The following NME7 variants were observed in gnomAD, a reference collection of about 807,000 sequenced individuals.
NME7 encodes the protein nucleoside diphosphate kinase 7.
Under a neutral mutation model 49.1 loss-of-function variants are expected in NME7, and 41 were observed. The ratio of observed to expected loss-of-function variants is 0.83; its 90% CI spans 0.65 to 1.08. NME7 has a LOEUF of 1.08. NME7 is among the 50% of genes least tolerant of loss of function. The pLI is 0.00. For missense variants in NME7, 423 were observed against 463.4 expected, an observed-to-expected ratio of 0.91 and a Z score of 0.80; for synonymous variants, 139 against 150.6, an observed-to-expected ratio of 0.92 and a Z score of 0.56.
intron 10 of NME7, among the ~76,000 whole-genome samples, chr1:169,210,351 C>T (rs1660775403): frequency 1.3e-5 from 2 of 152,120 alleles, no homozygotes; most frequent in South Asian, 4.1e-4. Context: ...GAGACTGAAG[C>T]CTCCATTCCA....
intron 6 of NME7, among the ~76,000 whole-genome samples, chr1:169,298,128 A>G (rs1479476487): frequency 2.6e-5 from 4 of 152,194 alleles, no homozygotes; most frequent in African/African-American, 4.8e-5. Context: ...AACTTTCATA[A>G]ACACTAGCTA....
chr1:169,245,638 C>T (rs1648282617), intron 7 of NME7, among the ~76,000 whole-genome samples: 1 of 151,974 alleles, frequency 6.6e-6, no homozygotes, highest in African/African-American at 2.4e-5. Context: ...ATAACCATAA[C>T]CAATTTAAAT....
intron 10 of NME7, among the ~76,000 whole-genome samples, chr1:169,228,399 C>T (rs964402888): frequency 2.6e-5 from 4 of 151,980 alleles, no homozygotes; most frequent in African/African-American, 9.7e-5. Flanking sequence ...AAGTACAGGC[C>T]GGGCACGGTG....
At chr1:169,251,185 T>C (rs959152764) in intron 7 of NME7, among the ~76,000 whole-genome samples, 1 of 152,138 alleles carries the variant, frequency 6.6e-6, no homozygotes, top group Non-Finnish European at 1.5e-5. Context: ...TTTAGGAATA[T>C]AATATCTTCT....
At chr1:169,342,623 GTACATATATA>G (rs1456467552) in intron 1 of NME7, among the ~76,000 whole-genome samples, 517 of 43,740 alleles carry the variant, frequency 0.012, 35 homozygotes, top group Admixed American at 0.022. Context: ...ATATATACAA[GTACATATATA>G]TAGTATATAT....
At chr1:169,337,729 A>C (rs1652536833) in intron 1 of NME7, among the ~76,000 whole-genome samples, 1 of 152,242 alleles carries the variant, frequency 6.6e-6, no homozygotes, top group African/African-American at 2.4e-5. Context: ...TCACAGTGAT[A>C]AGTACAATAG....
chr1:169,226,182 T>C (rs1647329897), intron 10 of NME7, among the ~76,000 whole-genome samples: 1 of 152,154 alleles, frequency 6.6e-6, no homozygotes, highest in South Asian at 2.1e-4. Flanking sequence ...AAGAAATGAA[T>C]TTCTAAATTA....
Position 169,303,160 on chromosome 1 carries a change from G to T in NME7, c.425C>A (p.Ser142Ter). Residue 142 changes from serine (S) to a stop codon, truncating the protein, a stop_gained, in exon 5 of 12, where the codon TCA becomes TAA. Transcript: ENST00000367811. LOFTEE classifies it high-confidence loss of function. ...EALDFHVDHQ[S>*]RPFFNELIQF... ...AAGGACCTACTTGAAAAAGGGTCTT[G>T]ACTGGTGATCTACATGAAAATCCAA... 1 of 1,569,902 alleles carries T rather than the reference G, an allele frequency of 6.4e-7. No individual in the cohort carries two copies. Among genetic ancestry groups the T allele is most frequent in the Non-Finnish European group, 8.7e-7 (1 of 1,152,658 alleles).
intron 7 of NME7, among the ~76,000 whole-genome samples, chr1:169,260,746 G>A (rs1649133277): frequency 7.5e-6 from 1 of 133,756 alleles, no homozygotes; most frequent in Admixed American, 7.3e-5. Flanking sequence ...AGAGGAGTGG[G>A]CACATTCTAT....
At chr1:169,226,505 G>C (rs535536360) in intron 10 of NME7, among the ~76,000 whole-genome samples, 33 of 152,020 alleles carry the variant, frequency 2.2e-4, no homozygotes, top group Non-Finnish European at 3.7e-4. Context: ...TCAAAACATA[G>C]CTTGATTGTA....
chr1:169,333,282 G>A (rs967004631), intron 1 of NME7, among the ~76,000 whole-genome samples: 1 of 152,136 alleles, frequency 6.6e-6, no homozygotes, highest in Admixed American at 6.5e-5. Flanking sequence ...TGGACATGGA[G>A]AGTAGAAAGA....
In NME7 at chr1:169,265,838, C is replaced by T. The variant is rs534995197; in HGVS notation, c.754+21465G>A. On this transcript the variant is annotated intron_variant, in intron 7 of 11. Transcript: ENST00000367811. ...AACCATCAGAGACTACTATGAACACCGTTATGCACATAAGCTAGAAAATCT... is the reference window on the plus strand; with the variant it reads ...AACCATCAGAGACTACTATGAACACTGTTATGCACATAAGCTAGAAAATCT... 2.5e-4 allele frequency among the ~76,000 whole-genome samples: 33 copies of T among 132,292 alleles called. 2 individuals carry two copies. In the South Asian group the frequency reaches 4.6e-3, roughly 19 times the overall value. 86.8% of individuals were successfully genotyped at this position (132,292 alleles called of 152,430 possible).
intron 10 of NME7, among the ~76,000 whole-genome samples, chr1:169,227,985 T>C (rs1044581940): frequency 2.7e-5 from 4 of 147,272 alleles, no homozygotes; most frequent in Non-Finnish European, 5.9e-5. Flanking sequence ...CTTTATTACA[T>C]AATATATATA....
chr1:169,336,567 G>A (rs1652483881), intron 1 of NME7, among the ~76,000 whole-genome samples: 1 of 152,206 alleles, frequency 6.6e-6, no homozygotes, highest in Non-Finnish European at 1.5e-5. Context: ...TAGATACAGA[G>A]TGTCGATTGG....
chr1:169,330,462 G>A (rs1044970191), intron 1 of NME7, among the ~76,000 whole-genome samples: 91 of 152,154 alleles, frequency 6.0e-4, no homozygotes, highest in African/African-American at 2.1e-3. Flanking sequence ...AAAGGATCAC[G>A]AGGTCAGGAG....
intron 7 of NME7, among the ~76,000 whole-genome samples, chr1:169,280,137 T>A (rs1211702585): frequency 6.6e-6 from 1 of 152,226 alleles, no homozygotes; most frequent in East Asian, 1.9e-4. Context: ...ATGTCCTGAC[T>A]TTTTAATAAT....
intron 10 of NME7, among the ~76,000 whole-genome samples, chr1:169,206,550 A>C (rs1173178097): frequency 6.6e-6 from 1 of 152,140 alleles, no homozygotes; most frequent in African/African-American, 2.4e-5. Flanking sequence ...TAGGGTTCAT[A>C]ATTTTGTCTT....
At chr1:169,237,756 AT>A (rs5778610) in intron 7 of NME7, 69 bp from the exon 8 acceptor site, 2 of 1,199,094 alleles carry the variant, frequency 1.7e-6, no homozygotes, top group South Asian at 1.3e-5. Context: ...AGAAATGCAA[AT>A]TTTTTATAGC....
At chr1:169,291,874 G>A (rs1267430815) in intron 6 of NME7, among the ~76,000 whole-genome samples, 2 of 151,936 alleles carry the variant, frequency 1.3e-5, no homozygotes, top group African/African-American at 4.8e-5. Flanking sequence ...GCATTTAGTA[G>A]CCTACAGTAT....
Sources: gnomAD v4.1 joint callset for allele counts (sites outside exome capture counted in the v4.1 genomes callset) on GRCh38, gnomAD v4.1.1 for gene constraint, MANE v1.5 for transcripts, NCBI Gene and HGNC (gene_info 2026-07-23, HGNC 2026-07-21) for gene names.